URB1: variants seen among roughly 807,000 people sequenced by gnomAD.
The protein encoded by URB1 is nucleolar pre-ribosomal-associated protein 1.
In URB1, 197 loss-of-function variants were observed where a neutral mutation model predicts 242.3. The observed-to-expected ratio is 0.81, with a 90% confidence interval of 0.72 to 0.91. The LOEUF (loss-of-function observed/expected upper bound fraction) is 0.91. Among genes scored for constraint, URB1 ranks in the 40% least tolerant of loss-of-function variants. The probability of loss-of-function intolerance (pLI) is 0.00; values close to 1 mark genes in which losing one functional copy is unlikely to be tolerated. For synonymous variants in URB1, 1,153 were observed against 1,201.8 expected, an observed-to-expected ratio of 0.96 and a Z score of 0.84; for missense variants, 2,721 against 2,860.5, an observed-to-expected ratio of 0.95 and a Z score of 1.11.
chr21:32,311,593 T>C lies in URB1; in HGVS notation c.*3325A>G, dbSNP rs1026222563. On this transcript the variant is annotated 3_prime_UTR_variant, in exon 39 of 39. Coordinates refer to ENST00000382751, the MANE Select transcript of URB1 (RefSeq NM_014825.3). ...GCCTTCCCTATGGGGTCCGGGCAGA[T>C]GGCAGGTGTGGCAGGAAACCCCCCA... 3.9e-6 allele frequency: 6 copies of C among 1,533,354 alleles called. No homozygotes were observed. The African/African-American group carries it at 8.2e-5, about 21-fold the overall frequency. 95.0% of individuals were successfully genotyped at this position (1,533,354 alleles called of 1,614,324 possible).
chr21:32,357,692 T>C (rs1235638322), intron 14 of URB1, 36 bp from the exon 15 acceptor site: 8 of 1,326,918 alleles, frequency 6.0e-6, no homozygotes, highest in Admixed American at 3.5e-5. Context: ...TTTTAGTATA[T>C]ATAATTACAT....
chr21:32,329,030 A>G (rs923253622), intron 30 of URB1, among the ~76,000 whole-genome samples: 2 of 151,972 alleles, frequency 1.3e-5, no homozygotes. Flanking sequence ...ATCCCCCAGC[A>G]ACTTGGGAGG....
At chr21:32,385,056 A>G (rs2033569100) in intron 2 of URB1, among the ~76,000 whole-genome samples, 1 of 152,216 alleles carries the variant, frequency 6.6e-6, no homozygotes, top group Non-Finnish European at 1.5e-5. Flanking sequence ...TTACAATCAC[A>G]GAAAATCAAA....
Position 32,321,854 on chromosome 21 carries a change from A to C in URB1, c.5431T>G (p.Phe1811Val). 6.4e-7 allele frequency: 1 copy of C among 1,551,768 alleles called. No individual in the cohort carries two copies. Among genetic ancestry groups the C allele is most frequent in the Non-Finnish European group, 8.7e-7 (1 of 1,147,022 alleles). The part of the protein sequence containing the change: ...CYELCARRGI[F>V]HIILSFFHSP... ...TGGAAGAAGGACAGGATGATGTGGAAGATGCCACGCCGGGCACACAGTTCG... is the reference window on the plus strand; with the variant it reads ...TGGAAGAAGGACAGGATGATGTGGACGATGCCACGCCGGGCACACAGTTCG... Residue 1811 changes from phenylalanine to valine, a missense_variant, in exon 34 of 39, where the codon TTC becomes GTC. Physicochemically the swap from Phe to Val is conservative, Grantham distance 50 (BLOSUM62 -1). Transcript: ENST00000382751.
chr21:32,319,118 C>G lies in URB1; in HGVS notation c.5792+99G>C. On this transcript the variant is annotated intron_variant, in intron 36 of 38. Coordinates refer to ENST00000382751, the MANE Select transcript of URB1 (RefSeq NM_014825.3). ...CAGCAGATCACGGCCCAGCGTCCCCCTGGTACAGAGTCATGACTGAGACAT... is the reference window on the plus strand; with the variant it reads ...CAGCAGATCACGGCCCAGCGTCCCCGTGGTACAGAGTCATGACTGAGACAT... 2.4e-6 allele frequency: 3 copies of G among 1,259,436 alleles called. No individual in the cohort carries two copies. The Admixed American group carries it at 9.0e-5, about 38-fold the overall frequency. The allele number at this position is 1,259,436 out of a possible 1,614,324, so 78.0% of individuals were successfully genotyped here.
At chr21:32,364,311 A>G (rs1208500980) in intron 10 of URB1, among the ~76,000 whole-genome samples, 2 of 152,096 alleles carry the variant, frequency 1.3e-5, no homozygotes, top group Non-Finnish European at 2.9e-5. Flanking sequence ...GGAGCTCAGG[A>G]GAAATGTAGA....
intron 4 of URB1, 32 bp from the exon 5 acceptor site, chr21:32,378,573 G>A: frequency 2.0e-6 from 3 of 1,520,196 alleles, no homozygotes; most frequent in Non-Finnish European, 2.7e-6. Context: ...CATGTCACAT[G>A]CATATTCCAC....
intron 1 of URB1, among the ~76,000 whole-genome samples, chr21:32,390,975 C>T (rs1010872104): frequency 2.2e-4 from 34 of 152,236 alleles, no homozygotes; most frequent in African/African-American, 7.7e-4. Flanking sequence ...CCCAAATGTC[C>T]AACAATGATA....
rs1365100835 is a variant in URB1, at chr21:32,361,197, A to AAGAAAGAAAGAC, written c.1640-75_1640-74insGTCTTTCTTTCT. ...AAAGAAAGAAAGAAAGAAAGAAAGA[A>AAGAAAGAAAGAC]AGAAAGAAAATAGCTTGAATTAGAA... On this transcript the variant is annotated intron_variant, in intron 12 of 38. Coordinates refer to ENST00000382751, the MANE Select transcript of URB1 (RefSeq NM_014825.3). The AAGAAAGAAAGAC allele has an allele frequency of 1.7e-3, 1,495 of 901,606 alleles. 32 individuals carry two copies. The highest frequency in any genetic ancestry group is 2.1e-3 in the Non-Finnish European group (1,283 of 618,050). 55.9% of individuals were successfully genotyped at this position (901,606 alleles called of 1,614,324 possible).
At position 32,355,515 on chromosome 21, in the gene URB1, G is replaced by A. The variant is rs761015482; in HGVS notation, c.2040C>T (p.Leu680=). 3.3e-5 allele frequency: 51 copies of A among 1,551,678 alleles called. 2 individuals are homozygous for A. In the South Asian group the frequency reaches 5.8e-4, roughly 18 times the overall value. The change falls in exon 16 of 39, where the codon CTC becomes CTT. Residue 680 remains leucine, a synonymous_variant. Transcript: ENST00000382751. The stretch of plus-strand genomic sequence containing the variant: ...TGGTGTTCTCTAAATGCTCCAGCCA[G>A]AGCTCCAGCTCCTTCCAGGTGTGCT... ...VFEHTWKELE[L]WLEHLENTME...
At chr21:32,391,961 C>T (rs181258194) in intron 1 of URB1, among the ~76,000 whole-genome samples, 1 of 151,862 alleles carries the variant, frequency 6.6e-6, no homozygotes, top group East Asian at 1.9e-4. Flanking sequence ...AAGTTCAAGG[C>T]TGCAGTGAGC....
rs2033107639 is a variant in URB1 at position 32,347,632 on chromosome 21, C to T, written c.3192G>A (p.Gln1064=). 7 of 1,551,672 alleles carry T rather than the reference C, an allele frequency of 4.5e-6. No individual in the cohort carries two copies. In the East Asian group the frequency reaches 7.3e-5, roughly 16 times the overall value. The change falls in exon 22 of 39, where the codon CAG becomes CAA. Residue 1064 remains glutamine (Q), a synonymous_variant. Transcript: ENST00000382751. ...QLLAASAPIL[Q]NIGQLGLLAR... ...CCAGAAGGCCCAGCTGCCCAATGTT[C>T]TGGAGGATCGGGGCACTTGCTGCCA...
At position 32,331,168 on chromosome 21, in the gene URB1, T is replaced by C. The variant is rs117799360; in HGVS notation, c.4960+2149A>G. ...CACGCGAACCAGCACAGAAGCAAAA[T>C]GTGTGCCGCCACACCCCCAGCACAC... On this transcript the variant is annotated intron_variant, in intron 30 of 38. Transcript: ENST00000382751. Among the ~76,000 whole-genome samples, 18 of 152,146 alleles carry C rather than the reference T, an allele frequency of 1.2e-4. No homozygotes were observed. In the East Asian group the frequency reaches 1.9e-3, roughly 16 times the overall value.
intron 21 of URB1, among the ~76,000 whole-genome samples, chr21:32,348,554 CG>C (rs1359100793): frequency 6.6e-6 from 1 of 152,082 alleles, no homozygotes; most frequent in African/African-American, 2.4e-5. Flanking sequence ...CCTGCTGAAC[CG>C]ATTCCTCGCC....
chr21:32,384,202 A>G (rs1266463028), intron 3 of URB1, 111 bp downstream of exon 3: 23 of 1,324,770 alleles, frequency 1.7e-5, no homozygotes, highest in Non-Finnish European at 2.3e-5. Context: ...CCTCGGAAAT[A>G]GCTCAGCTCT....
chr21:32,337,255 C>G (rs554555463), intron 27 of URB1, 98 bp from the exon 28 acceptor site: 1 of 1,395,686 alleles, frequency 7.2e-7, no homozygotes, highest in Non-Finnish European at 9.9e-7. Flanking sequence ...TCAAATGGCC[C>G]GGTCCTCATA....
Position 32,347,109 on chromosome 21 carries a change from G to C in URB1, c.3715C>G (p.Gln1239Glu). Residue 1239 changes from glutamine (Q) to glutamate (E), a missense_variant, in exon 22 of 39, where the codon CAG becomes GAG. Coordinates refer to ENST00000382751, the MANE Select transcript of URB1 (RefSeq NM_014825.3). ...CACAGCAAGTGGGTGCAGCTCTCCT[G>C]GAGGAGCAGGGCAGCGATGCTGAGG... Reference protein sequence around the residue: ...AALSIAALLLQESCTHLLWFE... With the variant: ...AALSIAALLLEESCTHLLWFE... The C allele has an allele frequency of 1.3e-6, 2 of 1,549,924 alleles. No individual in the cohort carries two copies. Among genetic ancestry groups the C allele is most frequent in the Non-Finnish European group, 1.7e-6 (2 of 1,146,528 alleles).
rs1164465265 is a variant in URB1, at chr21:32,344,577, G to A, written c.4250C>T (p.Ala1417Val). The A allele has an allele frequency of 2.6e-5, 41 of 1,551,840 alleles. No individual in the cohort carries two copies. The highest frequency in any genetic ancestry group is 1.1e-4 in the African/African-American group (8 of 73,010). Residue 1417 changes from alanine to valine, a missense_variant, in exon 24 of 39, where the codon GCG (alanine) becomes GTG (valine). Coordinates refer to ENST00000382751, the MANE Select transcript of URB1 (RefSeq NM_014825.3). ...CTAAGAAAAGACACTTACCAACAAC[G>A]CATTTAATCTAAGCAGCATTTCCTT... ...QEKEMLLRLN[A>V]LLHALNEVDP... is the part of the protein sequence containing the mutation.
chr21:32,349,729 A>C (rs1214896506), intron 20 of URB1, among the ~76,000 whole-genome samples: 3 of 152,250 alleles, frequency 2.0e-5, no homozygotes, highest in Non-Finnish European at 4.4e-5. Flanking sequence ...GGCCCACCTC[A>C]AAACTTAAAA....
Sources: gnomAD v4.1 joint callset for allele counts (sites outside exome capture counted in the v4.1 genomes callset) on GRCh38, gnomAD v4.1.1 for gene constraint, MANE v1.5 for transcripts, NCBI Gene and HGNC (gene_info 2026-07-23, HGNC 2026-07-21) for gene names.